STAU1: variants seen among roughly 807,000 people sequenced by gnomAD.
The protein encoded by STAU1 is double-stranded RNA-binding protein Staufen homolog 1.
Under a neutral mutation model 62.9 loss-of-function variants are expected in STAU1, and 13 were observed. The observed-to-expected ratio is 0.21, with a 90% CI of 0.13 to 0.33. The LOEUF (loss-of-function observed/expected upper bound fraction) is 0.33. Among genes scored for constraint, STAU1 ranks in the 10% least tolerant of loss-of-function variants. The pLI, the probability that STAU1 is intolerant of heterozygous loss-of-function variation, is 1.00. For synonymous variants in STAU1, 269 were observed against 265.1 expected (o/e 1.01, Z -0.14); for missense variants, 571 against 712.1 (o/e 0.80, Z 2.25).
intron 2 of STAU1, among the ~76,000 whole-genome samples, chr20:49,170,669 A>G (rs987695417): frequency 6.6e-6 from 1 of 152,156 alleles, no homozygotes; most frequent in African/African-American, 2.4e-5. Context: ...AACATTTTTA[A>G]TAAGTAATTT....
chr20:49,218,565 CAA>C, the STAU1 span, among the ~76,000 whole-genome samples: 1 of 109,178 alleles, frequency 9.2e-6, no homozygotes, highest in African/African-American at 3.1e-5. Context: ...AACAAACAAA[CAA>C]AAAAAACATG....
At chr20:49,165,730 C>G (rs1307692963) in intron 3 of STAU1, among the ~76,000 whole-genome samples, 2 of 152,242 alleles carry the variant, frequency 1.3e-5, no homozygotes, top group East Asian at 3.8e-4. Context: ...CCAGCCACCG[C>G]TCTTTAACAG....
chr20:49,152,927 C>T (rs2146246255), intron 4 of STAU1, among the ~76,000 whole-genome samples: 1 of 152,274 alleles, frequency 6.6e-6, no homozygotes, highest in South Asian at 2.1e-4. Flanking sequence ...AAGAAATATG[C>T]TCAGGCCCTA....
intron 3 of STAU1, among the ~76,000 whole-genome samples, chr20:49,156,330 G>A (rs1367965049): frequency 6.6e-6 from 1 of 152,106 alleles, no homozygotes; most frequent in Non-Finnish European, 1.5e-5. Flanking sequence ...AGGCGTTAAG[G>A]CATCATAGAT....
the STAU1 span, among the ~76,000 whole-genome samples, chr20:49,206,958 G>A: frequency 2.0e-5 from 3 of 151,408 alleles, no homozygotes; most frequent in Non-Finnish European, 2.9e-5. Context: ...GTTTCACCAT[G>A]TTGGCCAGGA....
At chr20:49,177,918 C>T (rs1396815375) in intron 1 of STAU1, among the ~76,000 whole-genome samples, 1 of 152,090 alleles carries the variant, frequency 6.6e-6, no homozygotes, top group Non-Finnish European at 1.5e-5. Flanking sequence ...TGGTGGCTCA[C>T]GCCTGTAATC....
intron 5 of STAU1, among the ~76,000 whole-genome samples, chr20:49,137,105 AG>A (rs2092902332): frequency 1.3e-5 from 2 of 152,148 alleles, no homozygotes; most frequent in Admixed American, 6.5e-5. Context: ...TCAAGGCTAC[AG>A]TGAGCTGTGA....
At chr20:49,207,097 G>A in the STAU1 span, among the ~76,000 whole-genome samples, 1 of 152,078 alleles carries the variant, frequency 6.6e-6, no homozygotes, top group Admixed American at 6.6e-5. Context: ...GGTGGTGCAT[G>A]TACCTGTAGT....
the STAU1 span, chr20:49,219,269 A>C: frequency 1.4e-6 from 2 of 1,399,370 alleles, no homozygotes; most frequent in African/African-American, 2.9e-5. Flanking sequence ...GCGTCACACG[A>C]AACCAACCAC....
At chr20:49,151,334 TATC>T (rs1191089889) in intron 5 of STAU1, among the ~76,000 whole-genome samples, 28 of 152,312 alleles carry the variant, frequency 1.8e-4, no homozygotes, top group African/African-American at 6.5e-4. Flanking sequence ...GTTCACACCG[TATC>T]ATGTCACTCA....
chr20:49,219,222 T>C, the STAU1 span: 5 of 840,374 alleles, frequency 5.9e-6, no homozygotes, highest in Admixed American at 5.9e-5. Flanking sequence ...CCGGAGACAA[T>C]GGAATTTGCT....
chr20:49,151,998 T>C (rs1362072175), intron 4 of STAU1, among the ~76,000 whole-genome samples: 2 of 152,222 alleles, frequency 1.3e-5, no homozygotes, highest in South Asian at 2.1e-4. Context: ...TTATAAATTA[T>C]GAGTTTATCA....
the STAU1 span, among the ~76,000 whole-genome samples, chr20:49,211,834 C>G: frequency 6.6e-6 from 1 of 152,196 alleles, no homozygotes; most frequent in African/African-American, 2.4e-5. Context: ...GTAGCTGGGA[C>G]TATGGCATGT....
chr20:49,165,049 T>A (rs1418771811), intron 3 of STAU1, among the ~76,000 whole-genome samples: 1 of 152,126 alleles, frequency 6.6e-6, no homozygotes, highest in Non-Finnish European at 1.5e-5. Context: ...TTTATTTATT[T>A]TTTATTTATT....
At chr20:49,152,985 T>C (rs2093281788) in intron 4 of STAU1, among the ~76,000 whole-genome samples, 1 of 151,574 alleles carries the variant, frequency 6.6e-6, no homozygotes, top group Admixed American at 6.6e-5. Context: ...GCGTGGTGGC[T>C]CATGCCTGTA....
At chr20:49,175,798 C>CTTTTT (rs386393906) in intron 1 of STAU1, among the ~76,000 whole-genome samples, 31,677 of 104,432 alleles carry the variant, frequency 0.3, 7,475 homozygotes, top group Non-Finnish European at 0.39. Context: ...CTCATAATGC[C>CTTTTT]TTTTTTTTTT....
At position 49,151,519 on chromosome 20, in the gene STAU1, G is replaced by A; in HGVS notation, c.510+63C>T. The A allele has an allele frequency of 5.6e-6, 8 of 1,433,238 alleles. No homozygotes were observed. In the East Asian group the frequency reaches 7.9e-5, roughly 14 times the overall value. The allele number at this position is 1,433,238 out of a possible 1,614,324, so 88.8% of individuals were successfully genotyped here. A position where few individuals can be genotyped will look rare whatever the true frequency, so the allele number is the denominator to read the frequency against. On this transcript the variant is annotated intron_variant, in intron 5 of 13. Coordinates refer to ENST00000371856, the MANE Select transcript of STAU1 (RefSeq NM_017453.4). ...CTTCTTAGAAAAGATAATGTGCGGT[G>A]ACATCTCCCCACTACCCTCCTACCC...
At chr20:49,193,377 T>G in the STAU1 span, among the ~76,000 whole-genome samples, 1 of 149,580 alleles carries the variant, frequency 6.7e-6, no homozygotes, top group Non-Finnish European at 1.5e-5. Flanking sequence ...ACTCTGTCTC[T>G]AAAGAAAAAA....
chr20:49,141,178 A>G (rs1204263115), intron 5 of STAU1, among the ~76,000 whole-genome samples: 1 of 152,234 alleles, frequency 6.6e-6, no homozygotes, highest in Non-Finnish European at 1.5e-5. Context: ...ATTTTTATTT[A>G]CAACCTATTT....
Sources: allele counts gnomAD v4.1 joint callset (sites outside exome capture counted in the v4.1 genomes callset), GRCh38; gene constraint gnomAD v4.1.1; transcripts MANE v1.5; gene names NCBI Gene and HGNC (gene_info 2026-07-23, HGNC 2026-07-21).